LAD1: variants seen among roughly 807,000 people sequenced by gnomAD.
The protein encoded by LAD1 is ladinin 1, also known as ladinin-1.
A neutral mutation model predicts 54.2 loss-of-function variants in LAD1; 53 were observed. The observed-to-expected ratio is 0.98, with a 90% CI of 0.78 to 1.23. The LOEUF (loss-of-function observed/expected upper bound fraction) is 1.23. Among genes scored for constraint, LAD1 ranks in the 50% most tolerant of loss-of-function variants. The pLI is 0.00. For synonymous variants in LAD1, 231 were observed against 257.7 expected (o/e 0.90, Z 0.99); for missense variants, 637 against 653.3 (o/e 0.98, Z 0.27).
chr1:201,389,517 G>C (rs1662160942), intron 1 of LAD1, among the ~76,000 whole-genome samples: 1 of 152,344 alleles, frequency 6.6e-6, no homozygotes, highest in South Asian at 2.1e-4. Context: ...GTCTCATTAA[G>C]AACTATGTAC....
rs368797553 is a variant in LAD1 at position 201,389,257 on chromosome 1, C to T, written c.85G>A (p.Glu29Lys). Residue 29 changes from glutamate (E) to lysine (K), a missense_variant, in exon 2 of 10, where the codon GAG becomes AAG. Coordinates refer to ENST00000391967, the MANE Select transcript of LAD1 (RefSeq NM_005558.4). ...AGGTTGCGGTGCCGCCGCCTGCGCT[C>T]GCGCTCCTGTTCCTCCTCATCCTCC... ...TLEDEEEQER[E>K]RRRRHRNLSS... 11 of 1,614,034 alleles carry T rather than the reference C, an allele frequency of 6.8e-6. No individual in the cohort carries two copies. The highest frequency in any genetic ancestry group is 8.5e-6 in the Non-Finnish European group (10 of 1,180,014).
rs371965557 is a variant in LAD1 at position 201,385,726 on chromosome 1, G to A, written c.1106C>T (p.Ser369Phe). 1.9e-5 allele frequency: 30 copies of A among 1,613,970 alleles called. No individual in the cohort carries two copies. Among genetic ancestry groups the A allele is most frequent in the Non-Finnish European group, 2.5e-5 (29 of 1,179,928 alleles). ...CCGAAAGGAGATGGTCCTGGGGCTG[G>A]AGCGTTTGAGGGAGCTGCTGTAGGT... ...QRTYSSSLKR[S>F]SPRTISFRMK... The change falls in exon 4 of 10, where the codon TCC (serine) becomes TTC (phenylalanine). Residue 369 changes from serine to phenylalanine, a missense_variant. By Grantham distance (155) the Ser-to-Phe change is radical (BLOSUM62 -2). Transcript: ENST00000391967.
At position 201,395,587 on chromosome 1, in the gene LAD1, G is replaced by A. The variant is rs541453282; in HGVS notation, c.38+3682C>T. Among the ~76,000 whole-genome samples the A allele has an allele frequency of 1.1e-4, 16 of 152,082 alleles. No individual in the cohort carries two copies. In the South Asian group the frequency reaches 3.3e-3, roughly 32 times the overall value. ...CGGCCAACATGGTGAAACCCCATCT[G>A]TACTAAAAATAGAAAAAAAATAGCT... On this transcript the variant is annotated intron_variant, in intron 1 of 9. Coordinates refer to ENST00000391967, the MANE Select transcript of LAD1 (RefSeq NM_005558.4).
At position 201,386,337 on chromosome 1, in the gene LAD1, G is replaced by A; in HGVS notation, c.1024C>T (p.Gln342Ter). The A allele has an allele frequency of 6.8e-7, 1 of 1,461,472 alleles. No homozygotes were observed. Among genetic ancestry groups the A allele is most frequent in the Non-Finnish European group, 9.0e-7 (1 of 1,106,902 alleles). 90.5% of individuals were successfully genotyped at this position (1,461,472 alleles called of 1,614,324 possible). A position where few individuals can be genotyped will look rare whatever the true frequency, so the allele number is the denominator to read the frequency against. ...GGGAGGGACGGGACACTGCCAACCT[G>A]GAGTGTGACGGGTGGGAGGCGGGAG... ...VASRLPPVTL[Q>*]VKIPSKEEEA... The change falls in exon 3 of 10, where the codon CAG becomes TAG. Residue 342 changes from glutamine (Q) to a stop codon, truncating the protein, a stop_gained and splice_region_variant. Coordinates refer to ENST00000391967, the MANE Select transcript of LAD1 (RefSeq NM_005558.4). LOFTEE classifies it high-confidence loss of function.
In LAD1 at chr1:201,386,402, G is replaced by C; in HGVS notation, c.959C>G (p.Ser320Cys). ...GTCTGAAGCCCCCTGCTTTGCCAAA[G>C]AGGGCAGGTTCTTCCCAGGGAGGGC... Reference protein sequence around the residue: ...GRALPGKNLPSLAKQGASDPP... With the variant: ...GRALPGKNLPCLAKQGASDPP... The change falls in exon 3 of 10, where the codon TCT becomes TGT. Residue 320 changes from serine (S) to cysteine (C), a missense_variant. Ser to Cys is a moderately radical substitution (Grantham distance 112, BLOSUM62 -1). Coordinates refer to ENST00000391967, the MANE Select transcript of LAD1 (RefSeq NM_005558.4). 2 of 1,523,072 alleles carry C rather than the reference G, an allele frequency of 1.3e-6. No individual in the cohort carries two copies. The highest frequency in any genetic ancestry group is 1.8e-6 in the Non-Finnish European group (2 of 1,139,930). 94.3% of individuals were successfully genotyped at this position (1,523,072 alleles called of 1,614,324 possible). A position where few individuals can be genotyped will look rare whatever the true frequency, so the allele number is the denominator to read the frequency against.
At chr1:201,385,980 T>C (rs541328701) in intron 3 of LAD1, among the ~76,000 whole-genome samples, 175 bp from the exon 4 acceptor site, 7 of 152,270 alleles carry the variant, frequency 4.6e-5, no homozygotes, top group South Asian at 2.1e-4. Flanking sequence ...ACAAAGTCCC[T>C]TGGGGCCAGG....
rs1350908909 is a variant in LAD1 at position 201,387,119 on chromosome 1, T to A, written c.242A>T (p.Glu81Val). 1 of 1,570,372 alleles carries A rather than the reference T, an allele frequency of 6.4e-7. No individual in the cohort carries two copies. The highest frequency in any genetic ancestry group is 8.6e-7 in the Non-Finnish European group (1 of 1,160,838). The part of the protein sequence containing the change: ...PKPLPPASKD[E>V]DEDIQSILRT... ...GAGGATGCTCTGGATGTCCTCGTCC[T>A]CATCTTTGGAGGCTGGGGGCAGTGG... is the stretch of plus-strand genomic sequence containing the variant. The change falls in exon 3 of 10, where the codon GAG becomes GTG. Residue 81 changes from glutamate (E) to valine (V), a missense_variant. By Grantham distance (121) the Glu-to-Val change is moderately radical. Coordinates refer to ENST00000391967, the MANE Select transcript of LAD1 (RefSeq NM_005558.4).
chr1:201,393,745 CAA>C (rs55816688), intron 1 of LAD1, among the ~76,000 whole-genome samples: 86 of 121,150 alleles, frequency 7.1e-4, no homozygotes, highest in African/African-American at 7.3e-4. Context: ...GACTCCATCT[CAA>C]AAAAAAAAAA....
intron 2 of LAD1, 46 bp downstream of exon 2, chr1:201,389,114 C>G: frequency 6.3e-7 from 1 of 1,589,606 alleles, no homozygotes; most frequent in Non-Finnish European, 8.6e-7. Context: ...TAGTCTGAGG[C>G]AACCAGTCCA....
Position 201,386,897 on chromosome 1 carries a change from G to A in LAD1, c.464C>T (p.Ala155Val), listed in dbSNP as rs1183040748. ...RLSREQRGPW[A>V]LEEESLVGRE... Reference sequence around the variant, plus strand: ...GCCCACCAAGCTCTCCTCCTCCAGGGCCCAGGGGCCCCGCTGTTCCCGACT... The same window carrying A: ...GCCCACCAAGCTCTCCTCCTCCAGGACCCAGGGGCCCCGCTGTTCCCGACT... The change falls in exon 3 of 10, where the codon GCC becomes GTC. Residue 155 changes from alanine to valine, a missense_variant. Coordinates refer to ENST00000391967, the MANE Select transcript of LAD1 (RefSeq NM_005558.4). 3.1e-6 allele frequency: 5 copies of A among 1,613,808 alleles called. No individual in the cohort carries two copies. The highest frequency in any genetic ancestry group is 4.2e-6 in the Non-Finnish European group (5 of 1,180,006).
intron 5 of LAD1, among the ~76,000 whole-genome samples, chr1:201,384,503 C>T (rs1048586808): frequency 6.6e-6 from 1 of 152,140 alleles, no homozygotes. Context: ...CCCCCTTTCC[C>T]TGTCCTAACC....
Position 201,389,164 on chromosome 1 carries a change from CAGA to C in LAD1, c.175_177del (p.Ser59del), listed in dbSNP as rs1406178390. The C allele has an allele frequency of 6.2e-7, 1 of 1,613,840 alleles. No homozygotes were observed. Among genetic ancestry groups the C allele is most frequent in the Non-Finnish European group, 8.5e-7 (1 of 1,179,858 alleles). ...GATAGAAACCTGAGCACCTACCTCT[CAGA>C]AGCAGAGGCCTGCCGGTCTCCATTC... On this transcript the variant is annotated inframe_deletion, in exon 2 of 10. Coordinates refer to ENST00000391967, the MANE Select transcript of LAD1 (RefSeq NM_005558.4).
Position 201,384,832 on chromosome 1 carries a change from T to A in LAD1, c.1135A>T (p.Lys379Ter). The change falls in exon 5 of 10, where the codon AAA becomes TAA. Residue 379 changes from lysine (K) to a stop codon, truncating the protein, a stop_gained. Coordinates refer to ENST00000391967, the MANE Select transcript of LAD1 (RefSeq NM_005558.4). LOFTEE classifies it high-confidence loss of function. ...GTTTCCGAGTTTTCTTTCTTGGGTTTCATCTGAAATGAGAAGGAAAGGCAT... is the reference window on the plus strand; with the variant it reads ...GTTTCCGAGTTTTCTTTCTTGGGTTACATCTGAAATGAGAAGGAAAGGCAT... ...SSPRTISFRM[K>*]PKKENSETTL... is the part of the protein sequence containing the mutation. 2 of 1,614,024 alleles carry A rather than the reference T, an allele frequency of 1.2e-6. No individual in the cohort carries two copies. Among genetic ancestry groups the A allele is most frequent in the Non-Finnish European group, 1.7e-6 (2 of 1,180,022 alleles).
chr1:201,386,267 G>A, intron 3 of LAD1, 68 bp downstream of exon 3: 1 of 1,376,470 alleles, frequency 7.3e-7, no homozygotes, highest in South Asian at 1.9e-5. Context: ...GACTACCTGG[G>A]TGGGACTGGC....
Position 201,383,079 on chromosome 1 carries a change from G to C in LAD1, c.1381C>G (p.Arg461Gly), listed in dbSNP as rs376027886. 1.2e-6 allele frequency: 2 copies of C among 1,611,782 alleles called. No individual in the cohort carries two copies. Among genetic ancestry groups the C allele is most frequent in the South Asian group, 2.2e-5 (2 of 91,026 alleles). Residue 461 changes from arginine to glycine, a missense_variant, in exon 7 of 10, where the codon CGG (arginine) becomes GGG (glycine). Coordinates refer to ENST00000391967, the MANE Select transcript of LAD1 (RefSeq NM_005558.4). ...GTGGGGCCTGAGCCCCTCACCTTCC[G>C]GCTGGAGGCTGGTTCTGCTCGGCTC... ...GQSRAEPASSRKENLRLSGVV... is the reference protein window; with the variant it reads ...GQSRAEPASSGKENLRLSGVV...
At position 201,382,719 on chromosome 1, in the gene LAD1, C is replaced by G. The variant is rs1373356167; in HGVS notation, c.1407G>C (p.Gly469=). 6.2e-7 allele frequency: 1 copy of G among 1,606,094 alleles called. No individual in the cohort carries two copies. The highest frequency in any genetic ancestry group is 1.3e-5 in the African/African-American group (1 of 74,818). ...ACAGGTTGAGCCTTGATGTCACAAC[C>G]CCTGAGAGCCTCAAGTTCTCCTAAA... The part of the protein sequence containing the change: ...SSRKENLRLS[G]VVTSRLNLWI... Residue 469 remains glycine (G), a synonymous_variant, in exon 8 of 10, where the codon GGG becomes GGC. Coordinates refer to ENST00000391967, the MANE Select transcript of LAD1 (RefSeq NM_005558.4).
chr1:201,389,102 C>T (rs1226223359), intron 2 of LAD1, 58 bp downstream of exon 2: 14 of 1,577,788 alleles, frequency 8.9e-6, no homozygotes, highest in African/African-American at 2.7e-5. Flanking sequence ...ATATGCTGCA[C>T]TTAGTCTGAG....
Position 201,392,501 on chromosome 1 carries a change from TGAG to T in LAD1, c.39-3201_39-3199del, listed in dbSNP as rs556942225. ...AGCCCCCTCGGAGAGCCCTGGTTCA[TGAG>T]GAGGAGGCAGCAGAGCCAGATCCGT... On this transcript the variant is annotated intron_variant, in intron 1 of 9. Transcript: ENST00000391967. Among the ~76,000 whole-genome samples, 91 of 152,168 alleles carry T rather than the reference TGAG, an allele frequency of 6.0e-4. No individual in the cohort carries two copies. The South Asian group carries it at 0.015, about 25-fold the overall frequency.
chr1:201,382,571 T>A, intron 8 of LAD1, 82 bp downstream of exon 8: 1 of 1,194,812 alleles, frequency 8.4e-7, no homozygotes, highest in Non-Finnish European at 1.2e-6. Context: ...TGACTCCTCC[T>A]CTCCCGACTG....
Sources: allele counts gnomAD v4.1 joint callset (sites outside exome capture counted in the v4.1 genomes callset), GRCh38; gene constraint gnomAD v4.1.1; transcripts MANE v1.5; gene names NCBI Gene and HGNC (gene_info 2026-07-23, HGNC 2026-07-21).